CSN1S1: variants seen among roughly 807,000 people sequenced by gnomAD.
The protein encoded by CSN1S1 is alpha-S1-casein.
CSN1S1 carries 63 observed loss-of-function variants against 49.1 expected under a neutral mutation model. That is an observed-to-expected ratio of 1.28 (90% confidence interval 1.05 to 1.58). The LOEUF is 1.58. Ranked by LOEUF, CSN1S1 falls within the 40% of genes most tolerant of loss-of-function variation. The probability of loss-of-function intolerance (pLI) is 0.00; values close to 1 mark genes in which losing one functional copy is unlikely to be tolerated. For missense variants in CSN1S1, 260 were observed against 224.7 expected, an observed-to-expected ratio of 1.16 and a Z score of -1.01; for synonymous variants, 78 against 67.1, an observed-to-expected ratio of 1.16 and a Z score of -0.79.
Position 69,944,864 on chromosome 4 carries a change from C to T in CSN1S1, c.417C>T (p.Leu139=), listed in dbSNP as rs1438169286. The change falls in exon 15 of 16, where the codon CTC becomes CTT. Residue 139 remains leucine (L), a synonymous_variant. Transcript: ENST00000246891. ...TTTCCCTCTAGCCTTTCCAGCAGCT[C>T]AACCAACTTGCTGCCTACCCCTATG... is the stretch of plus-strand genomic sequence containing the variant. ...NSHVQVPFQQ[L]NQLAAYPYAV... is the part of the protein sequence containing the mutation. 2 of 1,612,586 alleles carry T rather than the reference C, an allele frequency of 1.2e-6. No individual in the cohort carries two copies. Among genetic ancestry groups the T allele is most frequent in the Non-Finnish European group, 1.7e-6 (2 of 1,179,104 alleles).
At chr4:69,942,151 A>G in intron 13 of CSN1S1, 88 bp downstream of exon 13, 1 of 806,862 alleles carries the variant, frequency 1.2e-6, no homozygotes, top group Non-Finnish European at 1.9e-6. Flanking sequence ...TAACATAAAT[A>G]TATTCTGAGA....
At chr4:69,935,601 A>G (rs1722751528) in intron 4 of CSN1S1, among the ~76,000 whole-genome samples, 1 of 152,064 alleles carries the variant, frequency 6.6e-6, no homozygotes, top group Non-Finnish European at 1.5e-5. Flanking sequence ...CCCTTCATTC[A>G]GTCATCCAAA....
intron 1 of CSN1S1, among the ~76,000 whole-genome samples, chr4:69,931,734 A>T (rs1223747845): frequency 6.6e-6 from 1 of 151,866 alleles, no homozygotes; most frequent in African/African-American, 2.4e-5. Flanking sequence ...AAATGTCAGC[A>T]TTTGTATGTT....
intron 14 of CSN1S1, among the ~76,000 whole-genome samples, chr4:69,944,251 C>G (rs2109730383): frequency 6.6e-6 from 1 of 151,972 alleles, no homozygotes; most frequent in Non-Finnish European, 1.5e-5. Context: ...TATTAGTACA[C>G]AGAAAAAATT....
At chr4:69,943,916 A>C (rs1332848353) in intron 14 of CSN1S1, among the ~76,000 whole-genome samples, 1 of 152,152 alleles carries the variant, frequency 6.6e-6, no homozygotes, top group East Asian at 1.9e-4. Flanking sequence ...CCCACTTCTC[A>C]TCACTGTTGT....
Position 69,946,415 on chromosome 4 carries a change from TA to T in CSN1S1, c.*221del. On this transcript the variant is annotated 3_prime_UTR_variant, in exon 16 of 16. Coordinates refer to ENST00000246891, the MANE Select transcript of CSN1S1 (RefSeq NM_001890.2). Reference sequence around the variant, plus strand: ...TGTGTCTTGCCATATGGAGGGCACCTAATCAGAGGGTATTAAAGTGTTTACT... The same window carrying T: ...TGTGTCTTGCCATATGGAGGGCACCTATCAGAGGGTATTAAAGTGTTTACT... 1 of 262,468 alleles carries T rather than the reference TA, an allele frequency of 3.8e-6. No homozygotes were observed. The allele number at this position is 262,468 out of a possible 1,614,324, so 16.3% of individuals were successfully genotyped here. A position where few individuals can be genotyped will look rare whatever the true frequency, so the allele number is the denominator to read the frequency against.
At chr4:69,936,266 C>G (rs1042111415) in intron 5 of CSN1S1, among the ~76,000 whole-genome samples, 190 bp from the exon 6 acceptor site, 6 of 151,808 alleles carry the variant, frequency 4.0e-5, no homozygotes, top group Admixed American at 2.6e-4. Flanking sequence ...ATTTGATTGA[C>G]TTAATTGTGT....
At chr4:69,942,623 G>A in intron 14 of CSN1S1, 46 bp downstream of exon 14, 3 of 1,452,204 alleles carry the variant, frequency 2.1e-6, no homozygotes, top group Admixed American at 2.0e-5. Context: ...ATTTTGTTAA[G>A]CTTAAATATG....
intron 14 of CSN1S1, among the ~76,000 whole-genome samples, 153 bp from the exon 15 acceptor site, chr4:69,944,694 TAGA>T (rs905646131): frequency 1.3e-4 from 20 of 152,052 alleles, no homozygotes; most frequent in Non-Finnish European, 5.9e-5. Flanking sequence ...TGGTTCACCA[TAGA>T]AGATTTTGAT....
chr4:69,936,779 G>T lies in CSN1S1; in HGVS notation c.195+172G>T, dbSNP rs150412463. ...GTCTGCTGAGAATTCTGAAGAAAAT[G>T]ATTTCATTGACTTAATTGTGCAACT... On this transcript the variant is annotated intron_variant, in intron 7 of 15. Coordinates refer to ENST00000246891, the MANE Select transcript of CSN1S1 (RefSeq NM_001890.2). Among the ~76,000 whole-genome samples the T allele has an allele frequency of 3.9e-5, 6 of 152,016 alleles. 1 individual carries two copies. Among genetic ancestry groups the T allele is most frequent in the African/African-American group, 1.4e-4 (6 of 41,552 alleles).
Position 69,934,231 on chromosome 4 carries a change from C to G in CSN1S1, c.71C>G (p.Pro24Arg), listed in dbSNP as rs1361466994. The change falls in exon 3 of 16, where the codon CCA becomes CGA. Residue 24 changes from proline to arginine, a missense_variant. Pro to Arg is a moderately radical substitution (Grantham distance 103). Transcript: ENST00000246891. Reference sequence around the variant, plus strand: ...TCACAGAAACTTCCTCTTAGATACCCAGAACGCCTTCAGGTAAATATTCTA... The same window carrying G: ...TCACAGAAACTTCCTCTTAGATACCGAGAACGCCTTCAGGTAAATATTCTA... ...LARPKLPLRY[P>R]ERLQNPSESS... 1 of 1,610,640 alleles carries G rather than the reference C, an allele frequency of 6.2e-7. No homozygotes were observed.
At chr4:69,932,138 T>C (rs1722627671) in intron 1 of CSN1S1, among the ~76,000 whole-genome samples, 1 of 151,934 alleles carries the variant, frequency 6.6e-6, no homozygotes, top group Admixed American at 6.6e-5. Flanking sequence ...TCTCAGTGGA[T>C]TTAACTTTAT....
chr4:69,936,447 A>T lies in CSN1S1; in HGVS notation c.130-9A>T, dbSNP rs201003270. ...TAATATTGTTTATGTTTTCTTTTTT[A>T]TCCCTAAGGAATACATGAATGGTAT... is the stretch of plus-strand genomic sequence containing the variant. On this transcript the variant is annotated splice_polypyrimidine_tract_variant and intron_variant, in intron 5 of 15. Transcript: ENST00000246891. 5.2e-6 allele frequency: 8 copies of T among 1,536,972 alleles called. No homozygotes were observed. The Admixed American group carries it at 1.2e-4, about 23-fold the overall frequency.
At chr4:69,937,715 G>A (rs1722833184) in intron 8 of CSN1S1, 85 bp from the exon 9 acceptor site, 1 of 1,044,832 alleles carries the variant, frequency 9.6e-7, no homozygotes, top group South Asian at 1.5e-5. Context: ...TATTTTCTTT[G>A]ACATCCATTT....
chr4:69,934,776 G>A, intron 4 of CSN1S1, 66 bp downstream of exon 4: 1 of 1,407,400 alleles, frequency 7.1e-7, no homozygotes, highest in East Asian at 2.3e-5. Flanking sequence ...TAGCTGTCAT[G>A]CATGTTGAAT....
intron 4 of CSN1S1, among the ~76,000 whole-genome samples, chr4:69,935,439 A>G (rs1034789923): frequency 4.0e-5 from 6 of 151,870 alleles, no homozygotes; most frequent in African/African-American, 7.3e-5. Context: ...GGTTCCAGCT[A>G]CTTGGGAAGC....
chr4:69,934,446 A>C (rs1399941591), intron 3 of CSN1S1, among the ~76,000 whole-genome samples: 1 of 152,170 alleles, frequency 6.6e-6, no homozygotes, highest in Non-Finnish European at 1.5e-5. Flanking sequence ...TATGTTAATA[A>C]AAATCTTATT....
At chr4:69,944,565 G>A (rs563824144) in intron 14 of CSN1S1, among the ~76,000 whole-genome samples, 2 of 151,852 alleles carry the variant, frequency 1.3e-5, no homozygotes, top group Non-Finnish European at 2.9e-5. Context: ...TCTGATAAGT[G>A]GACCTGTGAG....
chr4:69,934,737 A>T, intron 4 of CSN1S1, 27 bp downstream of exon 4: 1 of 1,600,466 alleles, frequency 6.2e-7, no homozygotes, highest in South Asian at 1.1e-5. Context: ...GGGAGTCAGG[A>T]TTCTCTCTTC....
Sources: allele counts gnomAD v4.1 joint callset (sites outside exome capture counted in the v4.1 genomes callset), GRCh38; gene constraint gnomAD v4.1.1; transcripts MANE v1.5; gene names NCBI Gene and HGNC (gene_info 2026-07-23, HGNC 2026-07-21).